The following PIK3C2G variants were observed in gnomAD, a reference collection of about 807,000 sequenced individuals.
PIK3C2G encodes phosphatidylinositol 3-kinase C2 domain-containing subunit gamma.
PIK3C2G carries 168 observed loss-of-function variants against 181.1 expected under a neutral mutation model. The ratio of observed to expected loss-of-function variants is 0.93; its 90% CI spans 0.82 to 1.05. PIK3C2G has a LOEUF of 1.05. Among genes scored for constraint, PIK3C2G ranks in the 50% least tolerant of loss-of-function variants. PIK3C2G has a pLI of 0.00. For missense variants in PIK3C2G, 1,869 were observed against 1,732.8 expected, an observed-to-expected ratio of 1.08 and a Z score of -1.40; for synonymous variants, 573 against 592.2, an observed-to-expected ratio of 0.97 and a Z score of 0.47.
At chr12:18,472,031 A>T (rs1333542256) in intron 18 of PIK3C2G, among the ~76,000 whole-genome samples, 5 of 152,170 alleles carry the variant, frequency 3.3e-5, no homozygotes, top group Non-Finnish European at 7.4e-5. Context: ...CTATTATTTT[A>T]AACTACTACA....
At chr12:18,654,065 G>C in the PIK3C2G span, among the ~76,000 whole-genome samples, 1 of 152,090 alleles carries the variant, frequency 6.6e-6, no homozygotes, top group East Asian at 1.9e-4. Flanking sequence ...AAATAAAATA[G>C]AATGTGTCAA....
intron 26 of PIK3C2G, among the ~76,000 whole-genome samples, chr12:18,562,128 C>CTT (rs1300477298): frequency 6.6e-6 from 1 of 152,014 alleles, no homozygotes; most frequent in Non-Finnish European, 1.5e-5. Context: ...ACAACAAAAT[C>CTT]TTTTTTTGTT....
At chr12:18,306,176 G>A (rs950872077) in intron 5 of PIK3C2G, among the ~76,000 whole-genome samples, 1 of 152,014 alleles carries the variant, frequency 6.6e-6, no homozygotes, top group African/African-American at 2.4e-5. Flanking sequence ...ATTAGGGATA[G>A]TTGCCTTTTT....
At chr12:18,701,896 C>T in the PIK3C2G span, 2 of 1,413,002 alleles carry the variant, frequency 1.4e-6, no homozygotes, top group Non-Finnish European at 1.9e-6. Flanking sequence ...TATGTAAGAA[C>T]TCCATTTTTT....
At chr12:18,278,406 A>G (rs2137098327) in intron 1 of PIK3C2G, among the ~76,000 whole-genome samples, 1 of 152,274 alleles carries the variant, frequency 6.6e-6, no homozygotes, top group Admixed American at 6.5e-5. Flanking sequence ...TCCCATTTGA[A>G]GGATCCTTGT....
the PIK3C2G span, chr12:18,715,702 C>T: frequency 1.3e-5 from 2 of 152,028 alleles, no homozygotes; most frequent in Non-Finnish European, 2.9e-5. Context: ...TCTCTGTCAC[C>T]CACACTAAAG....
chr12:18,581,357 T>C (rs2136424970), intron 29 of PIK3C2G, among the ~76,000 whole-genome samples: 1 of 152,356 alleles, frequency 6.6e-6, no homozygotes, highest in South Asian at 2.1e-4. Context: ...ATAGAGCATT[T>C]CATTTAGCTT....
chr12:18,684,278 A>G, the PIK3C2G span: 1 of 1,602,586 alleles, frequency 6.2e-7, no homozygotes, highest in Non-Finnish European at 8.5e-7. Flanking sequence ...TTGGACTAAA[A>G]GCTGAAATAT....
chr12:18,482,057 G>A (rs966880049), intron 18 of PIK3C2G, among the ~76,000 whole-genome samples: 19 of 151,838 alleles, frequency 1.3e-4, no homozygotes, highest in African/African-American at 3.9e-4. Flanking sequence ...TAGTTTCATC[G>A]TATATACTTT....
chr12:18,442,918 C>T (rs1228903732), intron 18 of PIK3C2G, among the ~76,000 whole-genome samples: 1 of 151,546 alleles, frequency 6.6e-6, no homozygotes, highest in Non-Finnish European at 1.5e-5. Flanking sequence ...GTGGCCCAGG[C>T]TGGAGTGCAA....
intron 22 of PIK3C2G, among the ~76,000 whole-genome samples, chr12:18,498,092 T>C (rs1053906160): frequency 6.6e-6 from 1 of 152,174 alleles, no homozygotes; most frequent in Non-Finnish European, 1.5e-5. Flanking sequence ...AGAATACAAT[T>C]GTTACTTATT....
intron 31 of PIK3C2G, among the ~76,000 whole-genome samples, chr12:18,610,331 AAC>A (rs1345187445): frequency 6.6e-6 from 1 of 152,116 alleles, no homozygotes; most frequent in Non-Finnish European, 1.5e-5. Flanking sequence ...GAAAGTCAGT[AAC>A]ACAATTTTTG....
rs917531383 is a variant in PIK3C2G, at chr12:18,412,603, T to A, written c.2316-8338T>A. On this transcript the variant is annotated intron_variant, in intron 16 of 32. Transcript: ENST00000538779. ...AAATATTCTTTTCAGAAATATATTA[T>A]TTATGTTAACATAAAATGGGTTTAT... is the stretch of plus-strand genomic sequence containing the variant. 2.6e-5 allele frequency among the ~76,000 whole-genome samples: 4 copies of A among 152,036 alleles called. No homozygotes were observed. In the South Asian group the frequency reaches 8.3e-4, roughly 31 times the overall value.
chr12:18,631,990 C>G (rs1473784864), intron 31 of PIK3C2G, among the ~76,000 whole-genome samples: 1 of 151,928 alleles, frequency 6.6e-6, no homozygotes, highest in Non-Finnish European at 1.5e-5. Context: ...GTTTTGTATC[C>G]TGGGTGACAT....
chr12:18,378,688 C>T (rs546531018), intron 13 of PIK3C2G, among the ~76,000 whole-genome samples: 93 of 152,252 alleles, frequency 6.1e-4, no homozygotes, highest in African/African-American at 2.2e-3. Context: ...ACAACCCCAT[C>T]AAAAAGTGGG....
intron 16 of PIK3C2G, among the ~76,000 whole-genome samples, chr12:18,401,485 G>A (rs1049294841): frequency 2.0e-5 from 3 of 152,040 alleles, no homozygotes; most frequent in Admixed American, 2.0e-4. Flanking sequence ...AATTCTAGCC[G>A]GTTTTTGCTG....
At chr12:18,580,798 ACT>A (rs1229465449) in intron 29 of PIK3C2G, among the ~76,000 whole-genome samples, 1 of 152,150 alleles carries the variant, frequency 6.6e-6, no homozygotes, top group African/African-American at 2.4e-5. Context: ...TTGATTTAAA[ACT>A]CTTATGGAAA....
At position 18,331,153 on chromosome 12, in the gene PIK3C2G, T is replaced by C. The variant is rs529788096; in HGVS notation, c.1272+6055T>C. Among the ~76,000 whole-genome samples the C allele has an allele frequency of 3.4e-4, 52 of 152,266 alleles. No homozygotes were observed. The Middle Eastern group carries it at 0.017, about 50-fold the overall frequency. On this transcript the variant is annotated intron_variant, in intron 8 of 32. Coordinates refer to ENST00000538779, the MANE Select transcript of PIK3C2G (RefSeq NM_001288772.2). Reference sequence around the variant, plus strand: ...ATTACCATACGTTCATGGAAAGTCTTGGTATCAGGCAATATAAGTTCTCCA... The same window carrying C: ...ATTACCATACGTTCATGGAAAGTCTCGGTATCAGGCAATATAAGTTCTCCA...
At chr12:18,297,865 T>C (rs551271597) in intron 5 of PIK3C2G, among the ~76,000 whole-genome samples, 7 of 152,186 alleles carry the variant, frequency 4.6e-5, no homozygotes, top group African/African-American at 1.7e-4. Context: ...CATTCTTTTT[T>C]AAATAATTGA....
Sources: allele counts gnomAD v4.1 joint callset (sites outside exome capture counted in the v4.1 genomes callset), GRCh38; gene constraint gnomAD v4.1.1; transcripts MANE v1.5; gene names NCBI Gene and HGNC (gene_info 2026-07-23, HGNC 2026-07-21).